The following HDX variants were observed in gnomAD, a reference collection of about 807,000 sequenced individuals.
HDX encodes the protein chromosome X open reading frame 43.
A neutral mutation model predicts 45.2 loss-of-function variants in HDX; 19 were observed. The ratio of observed to expected loss-of-function variants is 0.42; its 90% CI spans 0.29 to 0.62. HDX has a LOEUF of 0.62. Among genes scored for constraint, HDX ranks in the 20% least tolerant of loss-of-function variants. The pLI is 0.20. For synonymous variants in HDX, 188 were observed against 172.8 expected, an observed-to-expected ratio of 1.09 and a Z score of -0.69; for missense variants, 532 against 493.9, an observed-to-expected ratio of 1.08 and a Z score of -0.73.
At chrX:84,351,877 G>A (rs925253819) in intron 6 of HDX, among the ~76,000 whole-genome samples, 4 of 112,094 alleles carry the variant, frequency 3.6e-5, no homozygotes, top group African/African-American at 1.3e-4. Context: ...GCAACAGTCT[G>A]AAACCAGTTT....
intron 1 of HDX, among the ~76,000 whole-genome samples, chrX:84,501,933 T>C (rs2041128316): frequency 8.9e-6 from 1 of 111,737 alleles, no homozygotes. Context: ...ACGCTCTCAG[T>C]GCCTTTGAGT....
chrX:84,495,646 T>C (rs1049481391), intron 1 of HDX, among the ~76,000 whole-genome samples: 10 of 111,705 alleles, frequency 9.0e-5, no homozygotes, highest in Non-Finnish European at 1.7e-4. Flanking sequence ...AACTCCTCCT[T>C]TATTCTTCAA....
At chrX:84,322,954 T>C (rs1011939540) in intron 10 of HDX, among the ~76,000 whole-genome samples, 1 of 110,483 alleles carries the variant, frequency 9.1e-6, no homozygotes, top group Non-Finnish European at 1.9e-5. Context: ...CAGGAAGAAA[T>C]GAAAGCTTGT....
chrX:84,416,869 T>C (rs943165115), intron 5 of HDX, among the ~76,000 whole-genome samples: 1 of 111,158 alleles, frequency 9.0e-6, no homozygotes, highest in Non-Finnish European at 1.9e-5. Context: ...AAAGTTCCAG[T>C]CCTGGCCGGG....
chrX:84,449,903 A>T, intron 4 of HDX, among the ~76,000 whole-genome samples: 1 of 110,849 alleles, frequency 9.0e-6, no homozygotes, highest in Non-Finnish European at 1.9e-5. Context: ...TGGGAATTGA[A>T]CAATGAGAAC....
chrX:84,368,921 G>C (rs971719190), intron 5 of HDX, among the ~76,000 whole-genome samples: 2 of 110,645 alleles, frequency 1.8e-5, no homozygotes, highest in Non-Finnish European at 3.8e-5. Context: ...TTCACAATAG[G>C]GTTCCTGCTC....
At chrX:84,466,438 G>A (rs982240167) in intron 4 of HDX, among the ~76,000 whole-genome samples, 8 of 112,078 alleles carry the variant, frequency 7.1e-5, no homozygotes, top group Non-Finnish European at 1.3e-4. Context: ...GGCAGAGCTT[G>A]AATTTGAATC....
chrX:84,408,279 T>C (rs774947662), intron 5 of HDX, among the ~76,000 whole-genome samples: 2 of 111,176 alleles, frequency 1.8e-5, no homozygotes, highest in East Asian at 5.7e-4. Context: ...GGTTTCCCAG[T>C]AGCATTTATT....
At chrX:84,461,495 A>G (rs1678481820) in intron 4 of HDX, among the ~76,000 whole-genome samples, 1 of 109,312 alleles carries the variant, frequency 9.1e-6, no homozygotes, top group African/African-American at 3.4e-5. Flanking sequence ...CTAGACCCCC[A>G]TCTCTCACTA....
intron 4 of HDX, among the ~76,000 whole-genome samples, chrX:84,460,706 C>T (rs757313657): frequency 1.4e-4 from 16 of 111,550 alleles, no homozygotes; most frequent in Non-Finnish European, 3.0e-4. Context: ...CTAGAGCAAT[C>T]AACCAAGAGA....
At chrX:84,466,552 A>G (rs2040356039) in intron 4 of HDX, among the ~76,000 whole-genome samples, 2 of 112,346 alleles carry the variant, frequency 1.8e-5, no homozygotes, top group Admixed American at 1.9e-4. Context: ...TTTTGTTGCA[A>G]TAAATAAAAT....
intron 4 of HDX, among the ~76,000 whole-genome samples, chrX:84,453,325 T>G (rs1011513197): frequency 4.5e-5 from 5 of 111,923 alleles, no homozygotes; most frequent in African/African-American, 1.3e-4. Context: ...TGAAGAGGAT[T>G]GGAAAGACAG....
chrX:84,343,773 T>A (rs1201661396), intron 7 of HDX, among the ~76,000 whole-genome samples: 1 of 111,470 alleles, frequency 9.0e-6, no homozygotes, highest in African/African-American at 3.3e-5. Flanking sequence ...ATCATAAAGA[T>A]AATCCAGACT....
chrX:84,470,854 A>G (rs374322944), intron 3 of HDX, among the ~76,000 whole-genome samples: 11 of 111,352 alleles, frequency 9.9e-5, no homozygotes, highest in Admixed American at 6.7e-4. Flanking sequence ...AAGCACATTA[A>G]TCTATTAAGA....
At chrX:84,405,266 G>C (rs895270979) in intron 5 of HDX, among the ~76,000 whole-genome samples, 2 of 109,948 alleles carry the variant, frequency 1.8e-5, no homozygotes, top group African/African-American at 6.6e-5. Context: ...TTTCTCTAAA[G>C]TCCTAACTAA....
rs934609824 is a variant in HDX, at chrX:84,486,421, A to G, written c.-1+1603T>C. ...TAAGAAGACAAAAATAGAATCCCAT[A>G]TTTACCCAGAATTTGCCATTTAATT... On this transcript the variant is annotated intron_variant, in intron 2 of 10. Coordinates refer to ENST00000373177, the MANE Select transcript of HDX (RefSeq NM_001177479.2). Among the ~76,000 whole-genome samples, 5 of 111,213 alleles carry G rather than the reference A, an allele frequency of 4.5e-5. No individual in the cohort carries two copies. In the East Asian group the frequency reaches 1.4e-3, roughly 31 times the overall value.
In HDX at chrX:84,359,658, T is replaced by C. The variant is rs145523887; in HGVS notation, c.1452+1808A>G. ...AATACTGCTGCAATGAACATACGTG[T>C]GCATGTATCTTTATAATAGGATGAT... On this transcript the variant is annotated intron_variant, in intron 6 of 10. Coordinates refer to ENST00000373177, the MANE Select transcript of HDX (RefSeq NM_001177479.2). 5.2e-3 allele frequency among the ~76,000 whole-genome samples: 578 copies of C among 112,001 alleles called. 1 individual carries two copies. Among genetic ancestry groups the C allele is most frequent in the African/African-American group, 0.018 (552 of 30,819 alleles).
chrX:84,375,645 CA>C (rs974680609), intron 5 of HDX, among the ~76,000 whole-genome samples: 11 of 104,349 alleles, frequency 1.1e-4, no homozygotes, highest in African/African-American at 3.9e-4. Flanking sequence ...ATCACAAGGA[CA>C]AAAAACCAAA....
intron 5 of HDX, among the ~76,000 whole-genome samples, chrX:84,432,843 A>C (rs986887334): frequency 2.7e-4 from 30 of 110,622 alleles, no homozygotes; most frequent in Non-Finnish European, 5.3e-4. Flanking sequence ...TGCTCTGGCC[A>C]GGACTTCCAG....
Sources: gnomAD v4.1 joint callset for allele counts (sites outside exome capture counted in the v4.1 genomes callset) on GRCh38, gnomAD v4.1.1 for gene constraint, MANE v1.5 for transcripts, NCBI Gene and HGNC (gene_info 2026-07-23, HGNC 2026-07-21) for gene names.